Variants in PDE6A observed in about 807,000 individuals in gnomAD.
PDE6A encodes the protein rod cGMP-specific 3',5'-cyclic phosphodiesterase subunit alpha.
Under a neutral mutation model 106.3 loss-of-function variants are expected in PDE6A, and 84 were observed. The ratio of observed to expected loss-of-function variants is 0.79; its 90% CI spans 0.66 to 0.95. The LOEUF is 0.95. Ranked by LOEUF, PDE6A falls within the 40% of genes least tolerant of loss-of-function variation. The pLI is 0.00. For synonymous variants in PDE6A, 394 were observed against 386.6 expected (o/e 1.02, Z -0.23); for missense variants, 1,052 against 1,084.9 (o/e 0.97, Z 0.43).
At position 149,896,754 on chromosome 5, in the gene PDE6A, T is replaced by C; in HGVS notation, c.1430A>G (p.Lys477Arg). ...KILKTREVYG[K>R]EPWECEEEEL... ...CTCTTCCTCACACTCCCATGGCTCCTTCCCATACACCTCTCTGGTTTTCTG... is the reference window on the plus strand; with the variant it reads ...CTCTTCCTCACACTCCCATGGCTCCCTCCCATACACCTCTCTGGTTTTCTG... Residue 477 changes from lysine (K) to arginine (R), a missense_variant, in exon 11 of 22, where the codon AAG (lysine) becomes AGG (arginine). Physicochemically the swap from Lys to Arg is conservative, Grantham distance 26. Coordinates refer to ENST00000255266, the MANE Select transcript of PDE6A (RefSeq NM_000440.3). 6.2e-7 allele frequency: 1 copy of C among 1,614,182 alleles called. No homozygotes were observed. The highest frequency in any genetic ancestry group is 8.5e-7 in the Non-Finnish European group (1 of 1,180,028).
At position 149,860,740 on chromosome 5, in the gene PDE6A, A is replaced by G; in HGVS notation, c.*155T>C. On this transcript the variant is annotated 3_prime_UTR_variant, in exon 22 of 22. Coordinates refer to ENST00000255266, the MANE Select transcript of PDE6A (RefSeq NM_000440.3). ...CAATTCTTCCAATGTGGCCCAGGGA[A>G]GCCAAAAGATTGAACAGTCCTGGAA... 1 of 594,382 alleles carries G rather than the reference A, an allele frequency of 1.7e-6. No individual in the cohort carries two copies. The highest frequency in any genetic ancestry group is 3.0e-6 in the Non-Finnish European group (1 of 335,826). 36.8% of individuals were successfully genotyped at this position (594,382 alleles called of 1,614,324 possible).
intron 8 of PDE6A, among the ~76,000 whole-genome samples, chr5:149,903,147 T>TAAAAAAAAAAAAAAAA (rs373566897): frequency 2.3e-4 from 21 of 90,976 alleles, no homozygotes; most frequent in South Asian, 4.5e-4. Context: ...AGACCCTCTC[T>TAAAAAAAAAAAAAAAA]AAAAAAAAAA....
At chr5:149,870,960 AAAG>A (rs946293986) in intron 17 of PDE6A, among the ~76,000 whole-genome samples, 6 of 151,972 alleles carry the variant, frequency 3.9e-5, no homozygotes, top group South Asian at 2.1e-4. Flanking sequence ...AAAGAAAAGA[AAAG>A]AAAAAAAGAA....
chr5:149,928,687 G>A (rs913604391), intron 4 of PDE6A, among the ~76,000 whole-genome samples: 5 of 151,952 alleles, frequency 3.3e-5, no homozygotes, highest in South Asian at 4.1e-4. Context: ...TGGTATAGGC[G>A]GGCCATCATT....
intron 11 of PDE6A, 102 bp downstream of exon 11, chr5:149,896,609 A>G: frequency 6.2e-7 from 1 of 1,613,804 alleles, no homozygotes; most frequent in Admixed American, 1.7e-5. Context: ...GGATCAGAAC[A>G]GAGTGATGGG....
intron 6 of PDE6A, 104 bp from the exon 7 acceptor site, chr5:149,907,482 G>A: frequency 1.2e-6 from 1 of 865,648 alleles, no homozygotes; most frequent in Non-Finnish European, 2.0e-6. Flanking sequence ...GTGGCTCTCA[G>A]CACCTGCTTA....
At chr5:149,861,800 C>T (rs1380103415) in intron 21 of PDE6A, among the ~76,000 whole-genome samples, 2 of 151,990 alleles carry the variant, frequency 1.3e-5, no homozygotes, top group Non-Finnish European at 2.9e-5. Flanking sequence ...AAAATGTAAG[C>T]CAAATCTGTA....
chr5:149,878,072 T>A (rs569493077), intron 17 of PDE6A, among the ~76,000 whole-genome samples: 5 of 152,366 alleles, frequency 3.3e-5, no homozygotes, highest in Non-Finnish European at 7.3e-5. Flanking sequence ...GAATGGAGTT[T>A]GCCTTTATTT....
rs149352609 is a variant in PDE6A at position 149,910,733 on chromosome 5, G to A, written c.999-3355C>T. Among the ~76,000 whole-genome samples the A allele has an allele frequency of 2.9e-3, 440 of 152,172 alleles. 4 individuals carry two copies. The highest frequency in any genetic ancestry group is 0.01 in the African/African-American group (420 of 41,534). ...TTTCAACTAAACTCCTGTAGTAGGGGCCCTAACAGATCGAACTAAAAATTA... is the reference window on the plus strand; with the variant it reads ...TTTCAACTAAACTCCTGTAGTAGGGACCCTAACAGATCGAACTAAAAATTA... On this transcript the variant is annotated intron_variant, in intron 6 of 21. Transcript: ENST00000255266.
chr5:149,886,239 G>C, intron 14 of PDE6A, 26 bp downstream of exon 14: 3 of 1,485,196 alleles, frequency 2.0e-6, no homozygotes, highest in Non-Finnish European at 2.8e-6. Flanking sequence ...CCGGAGGGTT[G>C]GGTGTGGGGA....
At chr5:149,869,497 A>T (rs996206030) in intron 17 of PDE6A, among the ~76,000 whole-genome samples, 19 of 152,318 alleles carry the variant, frequency 1.2e-4, no homozygotes, top group African/African-American at 4.1e-4. Flanking sequence ...ACGGACAAAG[A>T]ACTGGAGCAA....
At chr5:149,896,955 T>C (rs896548946) in intron 10 of PDE6A, among the ~76,000 whole-genome samples, 179 bp from the exon 11 acceptor site, 6 of 152,234 alleles carry the variant, frequency 3.9e-5, no homozygotes, top group African/African-American at 1.4e-4. Flanking sequence ...GAGACCTGCA[T>C]TCAAATTCAA....
chr5:149,909,533 C>T (rs1753307742), intron 6 of PDE6A, among the ~76,000 whole-genome samples: 1 of 152,150 alleles, frequency 6.6e-6, no homozygotes, highest in Non-Finnish European at 1.5e-5. Context: ...CCCTTCATTC[C>T]ACACACACCT....
chr5:149,931,204 G>C, intron 3 of PDE6A, 36 bp from the exon 4 acceptor site: 7 of 1,610,284 alleles, frequency 4.3e-6, no homozygotes, highest in Non-Finnish European at 5.9e-6. Context: ...TAGGTTTTGA[G>C]GTGCAAAGTA....
At position 149,907,795 on chromosome 5, in the gene PDE6A, C is replaced by G. The variant is rs139600506; in HGVS notation, c.999-417G>C. ...AAGTGCATTATATACTTATCCCTCA[C>G]AATACTATAATTTTTTGTATTATTA... On this transcript the variant is annotated intron_variant, in intron 6 of 21. Transcript: ENST00000255266. 2.6e-3 allele frequency among the ~76,000 whole-genome samples: 403 copies of G among 152,304 alleles called. 1 individual carries two copies. Among genetic ancestry groups the G allele is most frequent in the African/African-American group, 9.4e-3 (391 of 41,564 alleles).
Position 149,884,199 on chromosome 5 carries a change from AAT to A in PDE6A, c.2027+278_2027+279del, listed in dbSNP as rs1554087091. Among the ~76,000 whole-genome samples the A allele has an allele frequency of 4.9e-5, 7 of 142,328 alleles. 1 individual carries two copies. Among genetic ancestry groups the A allele is most frequent in the African/African-American group, 1.0e-4 (4 of 38,374 alleles). The allele number at this position is 142,328 out of a possible 152,430, so 93.4% of individuals were successfully genotyped here. On this transcript the variant is annotated intron_variant, in intron 16 of 21. Transcript: ENST00000255266. ...CCTGTCTCAAAAAAGAAAAAAAAAA[AAT>A]ATATATATATATATACACACACACA... is the stretch of plus-strand genomic sequence containing the variant.
At chr5:149,866,106 G>T in intron 20 of PDE6A, 64 bp downstream of exon 20, 1 of 1,167,424 alleles carries the variant, frequency 8.6e-7, no homozygotes, top group Non-Finnish European at 1.3e-6. Flanking sequence ...TATTCCTGCT[G>T]TTGTCTGGAA....
chr5:149,891,191 T>C (rs1360332212), intron 13 of PDE6A, among the ~76,000 whole-genome samples: 1 of 152,152 alleles, frequency 6.6e-6, no homozygotes, highest in Admixed American at 6.6e-5. Flanking sequence ...TAAAATGGGC[T>C]GGGTGCGGAG....
intron 5 of PDE6A, among the ~76,000 whole-genome samples, chr5:149,917,706 T>C (rs1248170914): frequency 6.6e-6 from 1 of 152,172 alleles, no homozygotes; most frequent in Non-Finnish European, 1.5e-5. Context: ...AAAATGGAGC[T>C]GAGACTAGAC....
Sources: gnomAD v4.1 joint callset for allele counts (sites outside exome capture counted in the v4.1 genomes callset) on GRCh38, gnomAD v4.1.1 for gene constraint, MANE v1.5 for transcripts, NCBI Gene and HGNC (gene_info 2026-07-23, HGNC 2026-07-21) for gene names.